HSPA12A: variants seen among roughly 807,000 people sequenced by gnomAD.
The protein encoded by HSPA12A is heat shock 70 kDa protein 12A.
A neutral mutation model predicts 69.2 loss-of-function variants in HSPA12A; 28 were observed. That is an observed-to-expected ratio of 0.40 (90% CI 0.30 to 0.55). The LOEUF (loss-of-function observed/expected upper bound fraction) is 0.55. HSPA12A is among the 20% of genes least tolerant of loss of function. The pLI is 0.38. For synonymous variants in HSPA12A, 345 were observed against 370.5 expected (o/e 0.93, Z 0.79); for missense variants, 686 against 900.7 (o/e 0.76, Z 3.05).
At chr10:116,712,056 T>C (rs1315590243) in intron 1 of HSPA12A, among the ~76,000 whole-genome samples, 1 of 152,086 alleles carries the variant, frequency 6.6e-6, no homozygotes, top group African/African-American at 2.4e-5. Context: ...GGAAGAGACC[T>C]TTCTGGGGAA....
intron 1 of HSPA12A, among the ~76,000 whole-genome samples, chr10:116,726,568 A>T (rs1351051477): frequency 6.6e-6 from 1 of 151,984 alleles, no homozygotes; most frequent in Non-Finnish European, 1.5e-5. Context: ...CCTTGGGTAG[A>T]CCATCCCCAA....
At chr10:116,766,539 C>T (rs1266145018) in intron 2 of HSPA12A, among the ~76,000 whole-genome samples, 5 of 152,178 alleles carry the variant, frequency 3.3e-5, no homozygotes, top group Non-Finnish European at 7.3e-5. Context: ...CCCCACAGCC[C>T]TCACAGAGAC....
intron 2 of HSPA12A, among the ~76,000 whole-genome samples, chr10:116,764,574 C>T (rs9420209): frequency 0.057 from 8,637 of 152,160 alleles, 808 homozygotes; most frequent in African/African-American, 0.2. Context: ...ACAAACACAA[C>T]AGCCATACAC....
chr10:116,829,921 TAGTC>T (rs1241379633), intron 2 of HSPA12A: 2 of 149,418 alleles, frequency 1.3e-5, no homozygotes, highest in Non-Finnish European at 3.0e-5. Context: ...GTTGGGTCGT[TAGTC>T]AGTCTTACCC....
chr10:116,684,008 G>T, intron 6 of HSPA12A, 46 bp from the exon 7 acceptor site: 1 of 1,482,836 alleles, frequency 6.7e-7, no homozygotes, highest in South Asian at 1.3e-5. Context: ...CCCTGGGCCG[G>T]CCTGCTCCTA....
intron 2 of HSPA12A, among the ~76,000 whole-genome samples, chr10:116,755,670 C>T (rs1554888695): frequency 1.4e-5 from 2 of 143,708 alleles, no homozygotes; most frequent in Admixed American, 7.0e-5. Context: ...ACTTATTAAG[C>T]GGGGGATTGG....
intron 2 of HSPA12A, among the ~76,000 whole-genome samples, chr10:116,752,920 T>C (rs896025898): frequency 1.3e-5 from 2 of 152,256 alleles, no homozygotes; most frequent in Admixed American, 6.5e-5. Context: ...TAATGACTCC[T>C]GACCTGCCTG....
chr10:116,780,256 CT>C (rs1554891674), intron 2 of HSPA12A, among the ~76,000 whole-genome samples: 1 of 152,196 alleles, frequency 6.6e-6, no homozygotes, highest in African/African-American at 2.4e-5. Flanking sequence ...GAGTCCAATT[CT>C]TAACCTTCCT....
Position 116,679,661 on chromosome 10 carries a change from A to G in HSPA12A, c.1128T>C (p.Pro376=), listed in dbSNP as rs1251773364. 1.2e-6 allele frequency: 2 copies of G among 1,614,270 alleles called. No individual in the cohort carries two copies. Among genetic ancestry groups the G allele is most frequent in the Non-Finnish European group, 1.7e-6 (2 of 1,180,048 alleles). The change falls in exon 10 of 12, where the codon CCT becomes CCC. Residue 376 remains proline (P), a synonymous_variant. Transcript: ENST00000369209. The part of the protein sequence containing the change: ...DFIEQFKIKR[P]AAWVDLMIAF... ...CAATCATTAAGTCAACCCAGGCTGC[A>G]GGGCGTTTGATTTTGAATTGTTCAA... is the stretch of plus-strand genomic sequence containing the variant.
chr10:116,842,265 AAG>A (rs979424029), intron 1 of HSPA12A, among the ~76,000 whole-genome samples: 54 of 152,316 alleles, frequency 3.5e-4, no homozygotes, highest in African/African-American at 1.3e-3. Flanking sequence ...CGATATTTAC[AAG>A]AGTCACAGAG....
At chr10:116,801,010 G>A (rs1437899055) in intron 2 of HSPA12A, among the ~76,000 whole-genome samples, 1 of 152,170 alleles carries the variant, frequency 6.6e-6, no homozygotes, top group Non-Finnish European at 1.5e-5. Context: ...CTGTCTTTTT[G>A]TCTGCTGCAG....
intron 2 of HSPA12A, among the ~76,000 whole-genome samples, chr10:116,795,683 CAA>C (rs146305919): frequency 6.9e-4 from 84 of 122,626 alleles, no homozygotes; most frequent in Non-Finnish European, 1.1e-3. Flanking sequence ...GATTCTGTCT[CAA>C]AAAAAAAAAA....
chr10:116,712,934 A>G (rs1850479665), intron 1 of HSPA12A, among the ~76,000 whole-genome samples: 1 of 141,972 alleles, frequency 7.0e-6, no homozygotes. Context: ...GCCCAATTTG[A>G]AAAGGAGTTT....
At chr10:116,781,820 T>C (rs1554891833) in intron 2 of HSPA12A, among the ~76,000 whole-genome samples, 2 of 152,070 alleles carry the variant, frequency 1.3e-5, no homozygotes, top group African/African-American at 4.8e-5. Context: ...AGCTATTCAA[T>C]CTGACTCAAC....
upstream of HSPA12A, among the ~76,000 whole-genome samples, chr10:116,745,514 T>C (rs1589681612): frequency 6.6e-6 from 1 of 152,184 alleles, no homozygotes; most frequent in Admixed American, 6.5e-5. Context: ...TGGTAGCTGG[T>C]GGAGAGAATG....
chr10:116,833,192 T>C (rs1175115252), intron 2 of HSPA12A: 1 of 152,228 alleles, frequency 6.6e-6, no homozygotes, highest in Non-Finnish European at 1.5e-5. Context: ...CATAACATGT[T>C]CCGTCTGTTC....
At chr10:116,758,964 T>C (rs1161683010) in intron 2 of HSPA12A, among the ~76,000 whole-genome samples, 3 of 152,168 alleles carry the variant, frequency 2.0e-5, no homozygotes, top group Non-Finnish European at 4.4e-5. Context: ...TTAAAGGTGA[T>C]GTTGATGCAG....
exon 1 of HSPA12A, chr10:116,849,584 C>T (rs981226881): frequency 2.6e-6 from 4 of 1,543,490 alleles, no homozygotes; most frequent in Non-Finnish European, 3.5e-6. Flanking sequence ...AAGAAGGCGG[C>T]GGCCGCAGCT....
intron 2 of HSPA12A, among the ~76,000 whole-genome samples, chr10:116,816,222 C>T (rs1206823237): frequency 6.6e-6 from 1 of 152,246 alleles, no homozygotes; most frequent in East Asian, 1.9e-4. Context: ...CTTCCAGCTC[C>T]AAATAAGCCA....
Sources: gnomAD v4.1 joint callset for allele counts (sites outside exome capture counted in the v4.1 genomes callset) on GRCh38, gnomAD v4.1.1 for gene constraint, MANE v1.5 for transcripts, NCBI Gene and HGNC (gene_info 2026-07-23, HGNC 2026-07-21) for gene names.